PSIP1: variants seen among roughly 807,000 people sequenced by gnomAD.
PSIP1 encodes PC4 and SRSF1 interacting protein 1.
PSIP1 carries 19 observed loss-of-function variants against 74.7 expected under a neutral mutation model. The observed-to-expected ratio is 0.25, with a 90% CI of 0.18 to 0.37. PSIP1 has a LOEUF of 0.37. Ranked by LOEUF, PSIP1 falls within the 10% of genes least tolerant of loss-of-function variation. The pLI is 1.00. For missense variants in PSIP1, 601 were observed against 614.3 expected, an observed-to-expected ratio of 0.98 and a Z score of 0.23; for synonymous variants, 222 against 195.3, an observed-to-expected ratio of 1.14 and a Z score of -1.14.
At chr9:15,489,136 G>C (rs2132135440) in intron 4 of PSIP1, 1 of 152,268 alleles carries the variant, frequency 6.6e-6, no homozygotes, top group South Asian at 2.1e-4. Context: ...ACCACTCCAT[G>C]AAAATTTACT....
chr9:15,472,963 C>G (rs2035905197), intron 9 of PSIP1, among the ~76,000 whole-genome samples: 1 of 152,150 alleles, frequency 6.6e-6, no homozygotes, highest in African/African-American at 2.4e-5. Flanking sequence ...TTATGCCCTG[C>G]TATAGGAGTG....
intron 9 of PSIP1, 96 bp from the exon 10 acceptor site, chr9:15,472,846 T>A (rs2132052097): frequency 1.7e-6 from 2 of 1,165,052 alleles, no homozygotes; most frequent in Non-Finnish European, 2.4e-6. Context: ...AGCTAGTTTT[T>A]AAAAAAGGGA....
At chr9:15,500,589 TAGA>T (rs887216145) in intron 3 of PSIP1, among the ~76,000 whole-genome samples, 2 of 152,190 alleles carry the variant, frequency 1.3e-5, no homozygotes, top group African/African-American at 4.8e-5. Flanking sequence ...AGAACTAGTG[TAGA>T]AGAAAAAAAT....
chr9:15,468,309 C>G (rs561494236), intron 14 of PSIP1: 7 of 572,328 alleles, frequency 1.2e-5, no homozygotes, highest in South Asian at 5.6e-5. Flanking sequence ...ACAGAAGCAG[C>G]TGAGCAACCA....
intron 10 of PSIP1, 91 bp from the exon 11 acceptor site, chr9:15,470,084 T>A: frequency 9.6e-7 from 1 of 1,039,740 alleles, no homozygotes; most frequent in Non-Finnish European, 1.5e-6. Flanking sequence ...ATGTTTTCCT[T>A]AAAATAAGTC....
chr9:15,469,114 C>G lies in PSIP1; in HGVS notation c.1105-56G>C, dbSNP rs527456402. On this transcript the variant is annotated intron_variant, in intron 12 of 15. Coordinates refer to ENST00000380733, the MANE Select transcript of PSIP1 (RefSeq NM_033222.5). ...TTAATTATCTTAACACTTAAACAATCTGTTTCTAAAGATCGTTTCCAAAAA... is the reference window on the plus strand; with the variant it reads ...TTAATTATCTTAACACTTAAACAATGTGTTTCTAAAGATCGTTTCCAAAAA... 1.3e-5 allele frequency: 20 copies of G among 1,516,742 alleles called. No homozygotes were observed. The South Asian group carries it at 2.1e-4, about 16-fold the overall frequency. 94.0% of individuals were successfully genotyped at this position (1,516,742 alleles called of 1,614,324 possible).
chr9:15,497,695 A>G (rs968868498), intron 3 of PSIP1, among the ~76,000 whole-genome samples: 1 of 152,112 alleles, frequency 6.6e-6, no homozygotes, highest in Non-Finnish European at 1.5e-5. Flanking sequence ...AAGGTGGGAA[A>G]GAAGATTGGG....
At chr9:15,478,007 G>A (rs2036165836) in intron 8 of PSIP1, among the ~76,000 whole-genome samples, 1 of 151,280 alleles carries the variant, frequency 6.6e-6, no homozygotes, top group Non-Finnish European at 1.5e-5. Flanking sequence ...ACACACCTGT[G>A]GTCCCAGCTA....
intron 6 of PSIP1, among the ~76,000 whole-genome samples, chr9:15,484,595 T>C (rs1194757325): frequency 6.6e-6 from 1 of 151,862 alleles, no homozygotes; most frequent in Non-Finnish European, 1.5e-5. Flanking sequence ...TGCATGGTGG[T>C]GTGCACCCGT....
chr9:15,464,115 G>C lies in PSIP1; in HGVS notation c.*1405C>G, dbSNP rs1233679363. 1 of 180,982 alleles carries C rather than the reference G, an allele frequency of 5.5e-6. No individual in the cohort carries two copies. The highest frequency in any genetic ancestry group is 6.3e-5 in the Admixed American group (1 of 15,922). The allele number at this position is 180,982 out of a possible 1,614,324, so 11.2% of individuals were successfully genotyped here. On this transcript the variant is annotated 3_prime_UTR_variant, in exon 16 of 16. Transcript: ENST00000380733. ...AAACAAGTTTACACGTTGAACTTAT[G>C]GCTTAACTAGAATAAATCTAAGTAA...
At position 15,467,891 on chromosome 9, in the gene PSIP1, C is replaced by A. The variant is rs564007637; in HGVS notation, c.1420+739G>T. Among the ~76,000 whole-genome samples the A allele has an allele frequency of 1.2e-3, 182 of 152,234 alleles. 1 individual carries two copies. The highest frequency in any genetic ancestry group is 4.3e-3 in the African/African-American group (179 of 41,542). On this transcript the variant is annotated intron_variant, in intron 14 of 15. Transcript: ENST00000380733. ...ATCCCAGCACTTTGGGAAGCCACGG[C>A]AGGTGGATTACCATAGGTCGGGAGT... is the stretch of plus-strand genomic sequence containing the variant.
chr9:15,489,016 T>C (rs2036701560), intron 4 of PSIP1, among the ~76,000 whole-genome samples: 3 of 151,738 alleles, frequency 2.0e-5, no homozygotes, highest in Non-Finnish European at 4.4e-5. Context: ...GCGAGACTCC[T>C]CTCAAAAAAA....
At chr9:15,510,049 C>A in intron 2 of PSIP1, 68 bp downstream of exon 2, 1 of 1,433,142 alleles carries the variant, frequency 7.0e-7, no homozygotes, top group Admixed American at 1.9e-5. Context: ...AATAAAGAGA[C>A]ACGGTGGGCA....
chr9:15,495,457 T>C (rs1361491570), intron 3 of PSIP1, among the ~76,000 whole-genome samples: 2 of 152,294 alleles, frequency 1.3e-5, no homozygotes, highest in East Asian at 1.9e-4. Context: ...TTACTGACGG[T>C]TATGTAAATG....
At chr9:15,496,204 G>A (rs914332190) in intron 3 of PSIP1, among the ~76,000 whole-genome samples, 1 of 152,188 alleles carries the variant, frequency 6.6e-6, no homozygotes, top group Non-Finnish European at 1.5e-5. Context: ...TAATATGGCA[G>A]GGTAGGTGAA....
chr9:15,464,699 AACTT>A lies in PSIP1; in HGVS notation c.*817_*820del, dbSNP rs1054135967. 130 of 199,416 alleles carry A rather than the reference AACTT, an allele frequency of 6.5e-4. 1 individual carries two copies. The highest frequency in any genetic ancestry group is 2.3e-3 in the African/African-American group (101 of 43,474). 12.4% of individuals were successfully genotyped at this position (199,416 alleles called of 1,614,324 possible). A position where few individuals can be genotyped will look rare whatever the true frequency, so the allele number is the denominator to read the frequency against. On this transcript the variant is annotated 3_prime_UTR_variant, in exon 16 of 16. Transcript: ENST00000380733. ...TTTTTAACAACATTCCTCAAAAATA[AACTT>A]ACTTAGTTTTCAGTTTTAGTTACTA... is the stretch of plus-strand genomic sequence containing the variant.
At chr9:15,470,056 C>G in intron 10 of PSIP1, 63 bp from the exon 11 acceptor site, 1 of 1,328,038 alleles carries the variant, frequency 7.5e-7, no homozygotes, top group Non-Finnish European at 1.1e-6. Context: ...GCCCACAATC[C>G]CTATGTAAAA....
Position 15,469,011 on chromosome 9 carries a change from C to G in PSIP1, c.1152G>C (p.Gln384His). 1 of 1,613,804 alleles carries G rather than the reference C, an allele frequency of 6.2e-7. No homozygotes were observed. The highest frequency in any genetic ancestry group is 8.5e-7 in the Non-Finnish European group (1 of 1,179,920). ...IEALDELASL[Q>H]VTMQQAQKHT... ...GTTTCTGAGCTTGTTGCATTGTGACCTGAAGTGAAGCAAGTTCATCCAAGG... is the reference window on the plus strand; with the variant it reads ...GTTTCTGAGCTTGTTGCATTGTGACGTGAAGTGAAGCAAGTTCATCCAAGG... The change falls in exon 13 of 16, where the codon CAG becomes CAC. Residue 384 changes from glutamine (Q) to histidine (H), a missense_variant. Transcript: ENST00000380733.
intron 4 of PSIP1, among the ~76,000 whole-genome samples, chr9:15,488,342 CAAA>C (rs1284381372): frequency 2.0e-5 from 3 of 151,808 alleles, no homozygotes; most frequent in Non-Finnish European, 4.4e-5. Context: ...ACAACAACAA[CAAA>C]AAAAAGAGTA....
Sources: gnomAD v4.1 joint callset for allele counts (sites outside exome capture counted in the v4.1 genomes callset) on GRCh38, gnomAD v4.1.1 for gene constraint, MANE v1.5 for transcripts, NCBI Gene and HGNC (gene_info 2026-07-23, HGNC 2026-07-21) for gene names.